Variants in ZNF7 observed in about 807,000 individuals in gnomAD.
The protein encoded by ZNF7 is C2-H2 type zinc finger protein.
ZNF7 carries 10 observed loss-of-function variants against 12.0 expected under a neutral mutation model. The observed-to-expected ratio is 0.83, with a 90% confidence interval of 0.51 to 1.42. The LOEUF (loss-of-function observed/expected upper bound fraction) is 1.42. Among genes scored for constraint, ZNF7 ranks in the 40% most tolerant of loss-of-function variants. The pLI, the probability that ZNF7 is intolerant of heterozygous loss-of-function variation, is 0.00. For missense variants in ZNF7, 854 were observed against 837.2 expected, an observed-to-expected ratio of 1.02 and a Z score of -0.25; for synonymous variants, 334 against 295.0, an observed-to-expected ratio of 1.13 and a Z score of -1.35.
Position 144,830,305 on chromosome 8 carries a change from C to T in ZNF7, c.130+701C>T, listed in dbSNP as rs541148883. Among the ~76,000 whole-genome samples, 9 of 152,316 alleles carry T rather than the reference C, an allele frequency of 5.9e-5. No homozygotes were observed. The South Asian group carries it at 1.2e-3, about 21-fold the overall frequency. On this transcript the variant is annotated intron_variant, in intron 3 of 4. Transcript: ENST00000532777. ...GGACCAGGCCTGTCCCCCTCTGTCC[C>T]GGCTAGTCTGGCAAAGTCCAGCTTT...
Position 144,842,750 on chromosome 8 carries a change from C to G in ZNF7, c.1643C>G (p.Thr548Ser). 1 of 1,614,216 alleles carries G rather than the reference C, an allele frequency of 6.2e-7. No individual in the cohort carries two copies. Among genetic ancestry groups the G allele is most frequent in the Non-Finnish European group, 8.5e-7 (1 of 1,180,050 alleles). Reference protein sequence around the residue: ...TQLTIHQRVHTGERPYKCNEC... With the variant: ...TQLTIHQRVHSGERPYKCNEC... The stretch of plus-strand genomic sequence containing the variant: ...CTTACAATACATCAAAGGGTTCACA[C>G]TGGAGAGAGGCCCTATAAATGTAAT... Residue 548 changes from threonine to serine, a missense_variant, in exon 5 of 5, where the codon ACT becomes AGT. Thr to Ser is a moderately conservative substitution (Grantham distance 58, BLOSUM62 1). Coordinates refer to ENST00000532777, the MANE Select transcript of ZNF7 (RefSeq NM_003416.4).
At chr8:144,833,231 C>T in intron 3 of ZNF7, among the ~76,000 whole-genome samples, 1 of 150,738 alleles carries the variant, frequency 6.6e-6, no homozygotes, top group East Asian at 1.9e-4. Flanking sequence ...TCTCCTTTTC[C>T]TGTTGACATG....
intron 1 of ZNF7, chr8:144,827,933 TC>T (rs2130511740): frequency 6.5e-6 from 1 of 153,270 alleles, no homozygotes; most frequent in East Asian, 1.9e-4. Context: ...CTGGGTCTAC[TC>T]CCGGGGCCCT....
At chr8:144,836,824 G>A (rs1829054628) in intron 3 of ZNF7, 1 of 152,996 alleles carries the variant, frequency 6.5e-6, no homozygotes, top group African/African-American at 2.4e-5. Context: ...GGTGCCAGGT[G>A]GGCCCCCACA....
chr8:144,841,033 T>C (rs2242650), intron 4 of ZNF7: 116,978 of 262,816 alleles, frequency 0.45, 28,157 homozygotes, highest in African/African-American at 0.67. Context: ...CCCACCCTTC[T>C]GGTCTTGCTT....
chr8:144,846,465 T>C, downstream of ZNF7: 1 of 318,876 alleles, frequency 3.1e-6, no homozygotes, highest in Non-Finnish European at 5.9e-6. Flanking sequence ...ATGGAGCCTC[T>C]GGCGGCTTTC....
chr8:144,841,163 C>G, intron 4 of ZNF7, 192 bp from the exon 5 acceptor site: 2 of 622,962 alleles, frequency 3.2e-6, no homozygotes, highest in Non-Finnish European at 5.6e-6. Context: ...AATGAGTGAA[C>G]AAGGTAAAAA....
downstream of ZNF7, chr8:144,847,145 G>A (rs1397670299): frequency 1.3e-5 from 2 of 152,198 alleles, no homozygotes; most frequent in East Asian, 1.9e-4. Flanking sequence ...GAAGCATCCA[G>A]GTGGCCCCTG....
chr8:144,842,295 C>A lies in ZNF7; in HGVS notation c.1188C>A (p.Asp396Glu), dbSNP rs756778603. 4 of 1,614,036 alleles carry A rather than the reference C, an allele frequency of 2.5e-6. No individual in the cohort carries two copies. The Admixed American group carries it at 6.7e-5, about 27-fold the overall frequency. ...GEKAQILKASDSPSLVAHQRI... is the reference protein window; with the variant it reads ...GEKAQILKASESPSLVAHQRI... Reference sequence around the variant, plus strand: ...AAGCTCAAATTCTAAAAGCCTCAGACAGTCCAAGCCTTGTTGCACATCAGA... The same window carrying A: ...AAGCTCAAATTCTAAAAGCCTCAGAAAGTCCAAGCCTTGTTGCACATCAGA... Residue 396 changes from aspartate (D) to glutamate (E), a missense_variant, in exon 5 of 5, where the codon GAC becomes GAA. Transcript: ENST00000532777.
downstream of ZNF7, among the ~76,000 whole-genome samples, chr8:144,844,381 G>GA: frequency 6.6e-6 from 1 of 152,240 alleles, no homozygotes; most frequent in East Asian, 1.9e-4. Flanking sequence ...TGGTAGGGGG[G>GA]AACGCGGTGA....
At position 144,829,104 on chromosome 8, in the gene ZNF7, C is replaced by G; in HGVS notation, c.3+14C>G. 6.2e-7 allele frequency: 1 copy of G among 1,613,940 alleles called. No individual in the cohort carries two copies. The highest frequency in any genetic ancestry group is 8.5e-7 in the Non-Finnish European group (1 of 1,179,944). On this transcript the variant is annotated intron_variant, in intron 2 of 4. Transcript: ENST00000532777. ...CTGAGCCTCATGGTAGGAAGCTTGA[C>G]TGCCTCCTTCCCCTCGCATGTCCTG...
downstream of ZNF7, chr8:144,847,307 C>T (rs577612927): frequency 2.2e-4 from 34 of 152,332 alleles, no homozygotes; most frequent in African/African-American, 5.5e-4. Context: ...AGGCCAGGCA[C>T]GGTGGCTCAC....
Position 144,841,616 on chromosome 8 carries a change from G to T in ZNF7, c.509G>T (p.Gly170Val). ...ACCTTCACCAAGGACGCACCCCAGG[G>T]ATGTAAGGAGCTGGGAAGCAGCGGC... Reference protein sequence around the residue: ...PKTFTKDAPQGCKELGSSGLD... With the variant: ...PKTFTKDAPQVCKELGSSGLD... Residue 170 changes from glycine to valine, a missense_variant, in exon 5 of 5, where the codon GGA (glycine) becomes GTA (valine). By Grantham distance (109) the Gly-to-Val change is moderately radical (BLOSUM62 -3). Coordinates refer to ENST00000532777, the MANE Select transcript of ZNF7 (RefSeq NM_003416.4). 6.2e-7 allele frequency: 1 copy of T among 1,614,224 alleles called. No individual in the cohort carries two copies. The highest frequency in any genetic ancestry group is 8.5e-7 in the Non-Finnish European group (1 of 1,180,044).
intron 1 of ZNF7, 112 bp from the exon 2 acceptor site, chr8:144,828,931 A>T: frequency 7.2e-7 from 1 of 1,386,922 alleles, no homozygotes; most frequent in Non-Finnish European, 9.9e-7. Context: ...TGTCCCTGCT[A>T]GAGAAATCTG....
Position 144,843,192 on chromosome 8 carries a change from A to C in ZNF7, c.*24A>C. The C allele has an allele frequency of 6.5e-7, 1 of 1,537,660 alleles. No individual in the cohort carries two copies. Among genetic ancestry groups the C allele is most frequent in the Non-Finnish European group, 8.7e-7 (1 of 1,146,922 alleles). ...AGACCACTTACATATAAATGTGTAT[A>C]TATGTGAATAAACCTATAGCCTTAA... On this transcript the variant is annotated 3_prime_UTR_variant, in exon 5 of 5. Transcript: ENST00000532777.
At position 144,829,611 on chromosome 8, in the gene ZNF7, C is replaced by T. The variant is rs148426810; in HGVS notation, c.130+7C>T. ...AGCAGTGTGGCTGGACTAGGTGAGG[C>T]TGCACCTTGGGGCCCCTTCCCCTGC... On this transcript the variant is annotated splice_region_variant and intron_variant, in intron 3 of 4. Coordinates refer to ENST00000532777, the MANE Select transcript of ZNF7 (RefSeq NM_003416.4). 99 of 1,600,742 alleles carry T rather than the reference C, an allele frequency of 6.2e-5. 1 individual carries two copies. In the Middle Eastern group the frequency reaches 3.0e-3, roughly 49 times the overall value.
intron 3 of ZNF7, 131 bp from the exon 4 acceptor site, chr8:144,837,260 T>C: frequency 1.5e-6 from 1 of 662,406 alleles, no homozygotes. Context: ...CCACCCACTC[T>C]CCCTGCAGGA....
rs1554639717 is a variant in ZNF7 at position 144,831,691 on chromosome 8, G to GAGGTC, written c.130+2089_130+2090insGTCAG. On this transcript the variant is annotated intron_variant, in intron 3 of 4. Coordinates refer to ENST00000532777, the MANE Select transcript of ZNF7 (RefSeq NM_003416.4). ...CCAGCTACTCGGGAGGCTGAGGCAC[G>GAGGTC]AGAATCGCTTGAACCCTGGAGGCGG... is the stretch of plus-strand genomic sequence containing the variant. Among the ~76,000 whole-genome samples the GAGGTC allele has an allele frequency of 8.6e-4, 85 of 98,782 alleles. 1 individual carries two copies. The highest frequency in any genetic ancestry group is 1.2e-3 in the Admixed American group (11 of 9,252). The allele number at this position is 98,782 out of a possible 152,430, so 64.8% of individuals were successfully genotyped here.
At position 144,843,391 on chromosome 8, in the gene ZNF7, C is replaced by CAT. The variant is rs1172640385; in HGVS notation, c.*224_*225dup. The CAT allele has an allele frequency of 8.6e-6, 4 of 462,526 alleles. No individual in the cohort carries two copies. Among genetic ancestry groups the CAT allele is most frequent in the East Asian group, 3.6e-5 (1 of 27,456 alleles). The allele number at this position is 462,526 out of a possible 1,614,324, so 28.7% of individuals were successfully genotyped here. On this transcript the variant is annotated 3_prime_UTR_variant, in exon 5 of 5. Transcript: ENST00000532777. ...CATCACGAGGTCAGGAGGTTGAGAC[C>CAT]ATCCTGGGTAACAGGTGAAACCCCA...
Sources: allele counts gnomAD v4.1 joint callset (sites outside exome capture counted in the v4.1 genomes callset), GRCh38; gene constraint gnomAD v4.1.1; transcripts MANE v1.5; gene names NCBI Gene and HGNC (gene_info 2026-07-23, HGNC 2026-07-21).